The following ZNF717 variants were observed in gnomAD, a reference collection of about 807,000 sequenced individuals.
ZNF717 encodes the protein krueppel-like factor X17.
In ZNF717, 9 loss-of-function variants were observed where a neutral mutation model predicts 13.8. The observed-to-expected ratio is 0.65, with a 90% CI of 0.39 to 1.14. ZNF717 has a LOEUF of 1.14. ZNF717 is among the 50% of genes most tolerant of loss of function. The pLI, the probability that ZNF717 is intolerant of heterozygous loss-of-function variation, is 0.01. For missense variants in ZNF717, 1,040 were observed against 1,080.7 expected (o/e 0.96, Z 0.53); for synonymous variants, 327 against 364.1 (o/e 0.90, Z 1.16).
chr3:75,783,929 C>G (rs1252646469), intron 1 of ZNF717, among the ~76,000 whole-genome samples: 9 of 152,194 alleles, frequency 5.9e-5, no homozygotes, highest in African/African-American at 2.2e-4. Context: ...TTCCCAATAA[C>G]ACCTTTCCCT....
At chr3:75,722,214 C>T (rs1307730061) in intron 4 of ZNF717, among the ~76,000 whole-genome samples, 1 of 151,826 alleles carries the variant, frequency 6.6e-6, no homozygotes, top group African/African-American at 2.4e-5. Flanking sequence ...GAGCCAAGAT[C>T]GTGCCACTGC....
chr3:75,711,049 T>G (rs1575716085), exon 6 of ZNF717: 1 of 152,352 alleles, frequency 6.6e-6, no homozygotes, highest in African/African-American at 2.4e-5. Flanking sequence ...CTGGAAGCAC[T>G]GGAAGCCAGG....
chr3:75,729,217 T>C (rs1332264920), downstream of ZNF717, among the ~76,000 whole-genome samples: 1 of 152,078 alleles, frequency 6.6e-6, no homozygotes, highest in Admixed American at 6.6e-5. Context: ...TCAGTGAATC[T>C]GCATTTATAC....
downstream of ZNF717, among the ~76,000 whole-genome samples, chr3:75,728,674 C>T (rs558369371): frequency 1.8e-3 from 268 of 152,352 alleles, no homozygotes; most frequent in African/African-American, 5.8e-3. Context: ...ATTGTCTCTC[C>T]TGCCACCCTG....
At chr3:75,735,287 C>G (rs1939023121), downstream of ZNF717, among the ~76,000 whole-genome samples, 1 of 152,124 alleles carries the variant, frequency 6.6e-6, no homozygotes, top group Non-Finnish European at 1.5e-5. Context: ...TGAAGGTGGA[C>G]TTGGATTTGT....
chr3:75,756,325 A>G (rs1465216671), intron 2 of ZNF717, among the ~76,000 whole-genome samples: 1 of 152,238 alleles, frequency 6.6e-6, no homozygotes, highest in Non-Finnish European at 1.5e-5. Flanking sequence ...TTTTATTAAT[A>G]TTAAATTGTG....
At chr3:75,772,208 T>G (rs566680081) in intron 2 of ZNF717, among the ~76,000 whole-genome samples, 274 of 125,896 alleles carry the variant, frequency 2.2e-3, no homozygotes, top group African/African-American at 9.4e-3. Context: ...AGCTACCCCC[T>G]GCAGGTCTCC....
intron 4 of ZNF717, among the ~76,000 whole-genome samples, chr3:75,724,508 T>C (rs1575724210): frequency 6.6e-6 from 1 of 152,214 alleles, no homozygotes; most frequent in Non-Finnish European, 1.5e-5. Context: ...TGTGAGCCAC[T>C]GCACCCTGTC....
In ZNF717 at chr3:75,738,635, G is replaced by C; in HGVS notation, c.988C>G (p.Gln330Glu). The C allele has an allele frequency of 6.4e-7, 1 of 1,552,966 alleles. No individual in the cohort carries two copies. Among genetic ancestry groups the C allele is most frequent in the Non-Finnish European group, 8.7e-7 (1 of 1,147,884 alleles). ...FSYKSSLIIH[Q>E]RIHTGEKPYG... is the part of the protein sequence containing the mutation. ...GGCTTTTCCCCTGTGTGAATTCTCTGATGGATAATGAGGCTGGACTTATAG... is the reference window on the plus strand; with the variant it reads ...GGCTTTTCCCCTGTGTGAATTCTCTCATGGATAATGAGGCTGGACTTATAG... The change falls in exon 5 of 5, where the codon CAG becomes GAG. Residue 330 changes from glutamine (Q) to glutamate (E), a missense_variant. By Grantham distance (29) the Gln-to-Glu change is conservative (BLOSUM62 2). Transcript: ENST00000652011.
At chr3:75,729,448 T>G (rs1245141488), downstream of ZNF717, among the ~76,000 whole-genome samples, 2 of 152,186 alleles carry the variant, frequency 1.3e-5, no homozygotes, top group Admixed American at 1.3e-4. Context: ...AATCCCCATC[T>G]CTACTAAAAA....
intron 6 of ZNF717, among the ~76,000 whole-genome samples, chr3:75,703,542 T>TAAATAAATA (rs1553651651): frequency 4.1e-4 from 60 of 147,562 alleles, no homozygotes; most frequent in East Asian, 3.7e-3. Context: ...ATAATAATAA[T>TAAATAAATA]AATAAATAAA....
At position 75,774,500 on chromosome 3, in the gene ZNF717, C is replaced by T. The variant is rs117387842; in HGVS notation, c.57+8806G>A. Among the ~76,000 whole-genome samples the T allele has an allele frequency of 2.6e-3, 391 of 151,598 alleles. 1 individual carries two copies. The highest frequency in any genetic ancestry group is 6.4e-3 in the East Asian group (33 of 5,166). On this transcript the variant is annotated intron_variant, in intron 2 of 4. Coordinates refer to ENST00000652011, the MANE Select transcript of ZNF717 (RefSeq NM_001290208.3). ...CAGGACTATTTGACATGTTAAGTCACGTGGGAAGCACTGTCAAAATAAAAA... is the reference window on the plus strand; with the variant it reads ...CAGGACTATTTGACATGTTAAGTCATGTGGGAAGCACTGTCAAAATAAAAA...
At chr3:75,769,220 C>A (rs77211475) in intron 2 of ZNF717, among the ~76,000 whole-genome samples, 1 of 152,104 alleles carries the variant, frequency 6.6e-6, no homozygotes, top group African/African-American at 2.4e-5. Flanking sequence ...GGCCTTACAG[C>A]TTCTGCCTGG....
intron 2 of ZNF717, among the ~76,000 whole-genome samples, chr3:75,775,546 G>A (rs536521054): frequency 6.7e-4 from 102 of 152,264 alleles, no homozygotes; most frequent in Admixed American, 1.2e-3. Context: ...CCCAAGAATT[G>A]GACTGGTTAA....
Position 75,778,162 on chromosome 3 carries a change from T to A in ZNF717, c.57+5144A>T, listed in dbSNP as rs924428186. 1.3e-5 allele frequency among the ~76,000 whole-genome samples: 2 copies of A among 150,240 alleles called. 1 individual carries two copies. The highest frequency in any genetic ancestry group is 3.0e-5 in the Non-Finnish European group (2 of 67,786). ...GTGCAAAAACCAGAACCCAAAACAA[T>A]GGGAGTGACCTGCTAAACTAGAAAC... On this transcript the variant is annotated intron_variant, in intron 2 of 4. Coordinates refer to ENST00000652011, the MANE Select transcript of ZNF717 (RefSeq NM_001290208.3).
At chr3:75,731,404 T>G (rs1316230149), downstream of ZNF717, among the ~76,000 whole-genome samples, 2 of 151,786 alleles carry the variant, frequency 1.3e-5, no homozygotes, top group Non-Finnish European at 2.9e-5. Flanking sequence ...ATAATAATAA[T>G]ACAAAAATTA....
intron 2 of ZNF717, among the ~76,000 whole-genome samples, chr3:75,751,898 A>G (rs1298163883): frequency 6.6e-6 from 1 of 151,836 alleles, no homozygotes; most frequent in African/African-American, 2.4e-5. Context: ...ATTTTCCCTC[A>G]CACAGGATTC....
intron 2 of ZNF717, among the ~76,000 whole-genome samples, chr3:75,751,738 T>C (rs1160531099): frequency 1.3e-5 from 2 of 151,422 alleles, no homozygotes; most frequent in Non-Finnish European, 1.5e-5. Context: ...TGTTGGGTTC[T>C]GAGTGTTTGT....
downstream of ZNF717, among the ~76,000 whole-genome samples, chr3:75,731,020 CACCTGAAGTCAGA>C (rs1938505471): frequency 6.6e-6 from 1 of 152,100 alleles, no homozygotes. Context: ...GTGGGCAGAT[CACCTGAAGTCAGA>C]AGTTCAAGAC....
Sources: gnomAD v4.1 joint callset for allele counts (sites outside exome capture counted in the v4.1 genomes callset) on GRCh38, gnomAD v4.1.1 for gene constraint, MANE v1.5 for transcripts, NCBI Gene and HGNC (gene_info 2026-07-23, HGNC 2026-07-21) for gene names.